The following KCTD5 variants were observed in gnomAD, a reference collection of about 807,000 sequenced individuals.
The protein encoded by KCTD5 is potassium channel tetramerization domain containing 5.
A neutral mutation model predicts 27.9 loss-of-function variants in KCTD5; 12 were observed. That is an observed-to-expected ratio of 0.43 (90% CI 0.28 to 0.70). The LOEUF (loss-of-function observed/expected upper bound fraction) is 0.70. Among genes scored for constraint, KCTD5 ranks in the 30% least tolerant of loss-of-function variants. The pLI, the probability that KCTD5 is intolerant of heterozygous loss-of-function variation, is 0.19. For missense variants in KCTD5, 226 were observed against 274.8 expected, an observed-to-expected ratio of 0.82 and a Z score of 1.26; for synonymous variants, 147 against 121.4, an observed-to-expected ratio of 1.21 and a Z score of -1.39.
At chr16:2,697,847 G>C in intron 2 of KCTD5, 59 bp from the exon 3 acceptor site, 1 of 1,228,782 alleles carries the variant, frequency 8.1e-7, no homozygotes, top group South Asian at 1.2e-5. Flanking sequence ...TGGGTGTAAA[G>C]CGTGGATTCT....
At chr16:2,705,478 G>A (rs1353407754) in intron 5 of KCTD5, among the ~76,000 whole-genome samples, 1 of 152,160 alleles carries the variant, frequency 6.6e-6, no homozygotes, top group Non-Finnish European at 1.5e-5. Context: ...TGGGCAGGGA[G>A]TGCCACTCGT....
chr16:2,689,673 G>A (rs557560201), intron 1 of KCTD5, among the ~76,000 whole-genome samples: 241 of 151,188 alleles, frequency 1.6e-3, no homozygotes, highest in Non-Finnish European at 2.5e-3. Context: ...CCTCACTGCC[G>A]TTTTCTTTTC....
At chr16:2,682,974 C>G (rs781629063) in intron 1 of KCTD5, 174 bp downstream of exon 1, 325 of 717,344 alleles carry the variant, frequency 4.5e-4, no homozygotes, top group Non-Finnish European at 6.5e-4. Flanking sequence ...ATCCCCTACC[C>G]TGGGAGGGGA....
intron 1 of KCTD5, among the ~76,000 whole-genome samples, chr16:2,689,594 G>A (rs1431462571): frequency 6.7e-6 from 1 of 149,996 alleles, no homozygotes; most frequent in African/African-American, 2.5e-5. Context: ...CTGCGGGAGG[G>A]TTGGGCAGCA....
rs1031739624 is a variant in KCTD5 at position 2,689,707 on chromosome 16, C to T, written c.253-6228C>T. 5.9e-5 allele frequency among the ~76,000 whole-genome samples: 9 copies of T among 151,702 alleles called. No homozygotes were observed. The East Asian group carries it at 1.7e-3, about 29-fold the overall frequency. ...TCTTTTTTTTTTTTTGAGACAGAGG[C>T]TCACTGGATCGCCCAGGCTGGAGTG... On this transcript the variant is annotated intron_variant, in intron 1 of 5. Coordinates refer to ENST00000301738, the MANE Select transcript of KCTD5 (RefSeq NM_018992.4).
intron 3 of KCTD5, chr16:2,699,054 A>G: frequency 2.2e-6 from 1 of 444,968 alleles, no homozygotes; most frequent in Admixed American, 2.4e-5. Flanking sequence ...CCTCGAGGCC[A>G]CTGTGTGCCT....
rs7201996 is a variant in KCTD5 at position 2,705,567 on chromosome 16, A to G, written c.676-1731A>G. On this transcript the variant is annotated intron_variant, in intron 5 of 5. Coordinates refer to ENST00000301738, the MANE Select transcript of KCTD5 (RefSeq NM_018992.4). ...GCCAAGGGGTCAGGACCAGTGCGGC[A>G]GACAGCAGACCCCTATCTCAGCTGC... 3.1e-3 allele frequency among the ~76,000 whole-genome samples: 468 copies of G among 152,262 alleles called. 3 individuals are homozygous for G. Among genetic ancestry groups the G allele is most frequent in the African/African-American group, 0.01 (423 of 41,550 alleles).
intron 4 of KCTD5, among the ~76,000 whole-genome samples, chr16:2,700,309 C>T (rs1328692650): frequency 2.0e-5 from 3 of 152,248 alleles, no homozygotes; most frequent in Non-Finnish European, 2.9e-5. Context: ...GAGGCCCTGA[C>T]GCCTTTCCCA....
At chr16:2,687,871 C>T (rs2067547346) in intron 1 of KCTD5, among the ~76,000 whole-genome samples, 1 of 152,164 alleles carries the variant, frequency 6.6e-6, no homozygotes, top group Admixed American at 6.5e-5. Context: ...TCTCCCAGGA[C>T]ATGCTTGTTC....
At chr16:2,705,958 C>T (rs1237246394) in intron 5 of KCTD5, among the ~76,000 whole-genome samples, 4 of 152,172 alleles carry the variant, frequency 2.6e-5, no homozygotes, top group Non-Finnish European at 4.4e-5. Flanking sequence ...CTGTCCGCTG[C>T]GCTACTTAGT....
intron 1 of KCTD5, chr16:2,685,852 T>A (rs1239849012): frequency 6.6e-6 from 1 of 151,270 alleles, no homozygotes; most frequent in South Asian, 2.1e-4. Flanking sequence ...CCTGGATTAT[T>A]AGACTTGTGT....
At chr16:2,696,997 A>G (rs1034034016) in intron 2 of KCTD5, among the ~76,000 whole-genome samples, 1 of 152,234 alleles carries the variant, frequency 6.6e-6, no homozygotes, top group Non-Finnish European at 1.5e-5. Context: ...GGCGCTAGAC[A>G]CAGACCAAGG....
intron 2 of KCTD5, among the ~76,000 whole-genome samples, chr16:2,697,630 G>A (rs781102831): frequency 3.5e-4 from 54 of 152,256 alleles, no homozygotes; most frequent in Admixed American, 2.7e-3. Flanking sequence ...GCGGGTCACT[G>A]GAGGTCACTC....
At chr16:2,687,160 C>G (rs77625825) in intron 1 of KCTD5, among the ~76,000 whole-genome samples, 2 of 152,170 alleles carry the variant, frequency 1.3e-5, no homozygotes, top group Non-Finnish European at 2.9e-5. Context: ...GGTGCCTCAC[C>G]TGAAGCCCTT....
chr16:2,697,573 G>A (rs373220103), intron 2 of KCTD5, among the ~76,000 whole-genome samples: 8 of 152,220 alleles, frequency 5.3e-5, no homozygotes, highest in South Asian at 2.1e-4. Flanking sequence ...CCATGGCCTC[G>A]GCGTAGACAT....
intron 5 of KCTD5, among the ~76,000 whole-genome samples, chr16:2,704,389 C>G (rs1362664227): frequency 9.2e-5 from 14 of 152,320 alleles, no homozygotes; most frequent in Admixed American, 8.5e-4. Flanking sequence ...AGCTGTCCCC[C>G]ACTTCAGTCA....
At position 2,707,577 on chromosome 16, in the gene KCTD5, GT is replaced by G; in HGVS notation, c.*256del. 1 of 618,178 alleles carries G rather than the reference GT, an allele frequency of 1.6e-6. No homozygotes were observed. The highest frequency in any genetic ancestry group is 2.9e-6 in the Non-Finnish European group (1 of 347,158). The allele number at this position is 618,178 out of a possible 1,614,324, so 38.3% of individuals were successfully genotyped here. On this transcript the variant is annotated 3_prime_UTR_variant, in exon 6 of 6. Transcript: ENST00000301738. ...CTGCCTCTTGGGGGGGCCTCGCTCTGTTTTTTCCAAGTGCCACGTGGGACTG... is the reference window on the plus strand; with the variant it reads ...CTGCCTCTTGGGGGGGCCTCGCTCTGTTTTTCCAAGTGCCACGTGGGACTG...
chr16:2,688,034 T>G (rs1254163284), intron 1 of KCTD5, among the ~76,000 whole-genome samples: 2 of 151,794 alleles, frequency 1.3e-5, no homozygotes, highest in African/African-American at 4.8e-5. Flanking sequence ...TGGGGTGATT[T>G]CGTGCCCCTG....
intron 4 of KCTD5, among the ~76,000 whole-genome samples, chr16:2,701,261 C>T (rs566799388): frequency 2.0e-5 from 3 of 152,358 alleles, no homozygotes; most frequent in Non-Finnish European, 2.9e-5. Context: ...TCCTTGATTA[C>T]GACCTGCTTG....
Sources: gnomAD v4.1 joint callset for allele counts (sites outside exome capture counted in the v4.1 genomes callset) on GRCh38, gnomAD v4.1.1 for gene constraint, MANE v1.5 for transcripts, NCBI Gene and HGNC (gene_info 2026-07-23, HGNC 2026-07-21) for gene names.